The following SLU7 variants were observed in gnomAD, a reference collection of about 807,000 sequenced individuals.
SLU7 encodes spliceosome associated SLU7, also known as pre-mRNA-splicing factor SLU7.
In SLU7, 60 loss-of-function variants were observed where a neutral mutation model predicts 87.0. That is an observed-to-expected ratio of 0.69 (90% CI 0.56 to 0.86). The LOEUF (loss-of-function observed/expected upper bound fraction) is 0.86, where lower values mean the gene tolerates loss of function less well. Ranked by LOEUF, SLU7 falls within the 40% of genes least tolerant of loss-of-function variation. SLU7 has a pLI of 0.00. For missense variants in SLU7, 507 were observed against 686.6 expected (o/e 0.74, Z 2.92); for synonymous variants, 197 against 222.0 (o/e 0.89, Z 1.00).
chr5:160,404,642 C>T, intron 14 of SLU7, 86 bp from the exon 15 acceptor site: 2 of 1,012,070 alleles, frequency 2.0e-6, no homozygotes, highest in Non-Finnish European at 3.0e-6. Context: ...ACAAGAATCA[C>T]TTGAACCCAG....
intron 6 of SLU7, among the ~76,000 whole-genome samples, chr5:160,409,036 G>A (rs1389867080): frequency 2.0e-5 from 3 of 151,558 alleles, no homozygotes; most frequent in Non-Finnish European, 4.4e-5. Flanking sequence ...AATTTCAAGA[G>A]AATTTTAATT....
At chr5:160,409,023 G>A (rs1311423974) in intron 6 of SLU7, among the ~76,000 whole-genome samples, 2 of 151,572 alleles carry the variant, frequency 1.3e-5, no homozygotes, top group Non-Finnish European at 2.9e-5. Flanking sequence ...TATAAAGCCA[G>A]CAAATTTCAA....
At chr5:160,406,177 A>G (rs892281948) in intron 12 of SLU7, among the ~76,000 whole-genome samples, 1 of 152,246 alleles carries the variant, frequency 6.6e-6, no homozygotes, top group Non-Finnish European at 1.5e-5. Context: ...GTGTGTATAT[A>G]TGTGTATTTT....
rs1341029566 is a variant in SLU7, at chr5:160,407,974, TC to T, written c.913del (p.Asp305MetfsTer3). On this transcript the variant is annotated frameshift_variant, in exon 9 of 16. Transcript: ENST00000297151. LOFTEE classifies it high-confidence loss of function. The surrounding 1 kb of genome is among the most constrained non-coding windows in gnomAD (Gnocchi z 4.2). ...NPYANAGKNP[D>X]EVSYAGDNFV... The stretch of plus-strand genomic sequence containing the variant: ...GTACATTTAACTTGATACTTACTCA[TC>T]TGGATTCTTTCCTGCATTGGCATAA... The T allele has an allele frequency of 1.2e-6, 2 of 1,605,782 alleles. No individual in the cohort carries two copies. The highest frequency in any genetic ancestry group is 8.5e-7 in the Non-Finnish European group (1 of 1,172,672).
At position 160,403,588 on chromosome 5, in the gene SLU7, A is replaced by G. The variant is rs999719420; in HGVS notation, c.1582-124T>C. 8 of 753,436 alleles carry G rather than the reference A, an allele frequency of 1.1e-5. No individual in the cohort carries two copies. In the African/African-American group the frequency reaches 1.4e-4, roughly 14 times the overall value. 46.7% of individuals were successfully genotyped at this position (753,436 alleles called of 1,614,324 possible). ...CTCTATCAAAAACGCAGATTGCCTG[A>G]AAGAGCTTTGGAGTCAGCCCTTCTA... On this transcript the variant is annotated intron_variant, in intron 15 of 15. Coordinates refer to ENST00000297151, the MANE Select transcript of SLU7 (RefSeq NM_006425.5).
In SLU7 at chr5:160,406,463, C is replaced by A. The variant is rs1364656181; in HGVS notation, c.1287+5G>T. 2 of 1,601,516 alleles carry A rather than the reference C, an allele frequency of 1.2e-6. No homozygotes were observed. The highest frequency in any genetic ancestry group is 1.7e-6 in the Non-Finnish European group (2 of 1,175,496). The stretch of plus-strand genomic sequence containing the variant: ...GACACAAAATTGTTCCAGTTTAGCA[C>A]ATACTGTGTGATTGTGGATCTTCAC... On this transcript the variant is annotated splice_donor_5th_base_variant and intron_variant, in intron 12 of 15. Transcript: ENST00000297151.
chr5:160,416,323 C>T (rs1581076482), intron 1 of SLU7, among the ~76,000 whole-genome samples: 2 of 152,176 alleles, frequency 1.3e-5, no homozygotes, highest in East Asian at 1.9e-4. Flanking sequence ...TCATTTACTT[C>T]CAAGGCTTCA....
chr5:160,412,435 C>T lies in SLU7; in HGVS notation c.639+16G>A. 7.2e-7 allele frequency: 1 copy of T among 1,397,060 alleles called. No homozygotes were observed. The highest frequency in any genetic ancestry group is 1.0e-6 in the Non-Finnish European group (1 of 1,004,934). 86.5% of individuals were successfully genotyped at this position (1,397,060 alleles called of 1,614,324 possible). On this transcript the variant is annotated intron_variant, in intron 6 of 15. Coordinates refer to ENST00000297151, the MANE Select transcript of SLU7 (RefSeq NM_006425.5). ...AAAGAAATAAAACCTTTTTATTGAT[C>T]ATTTTCATTACTTACAGCCTGTTCC...
chr5:160,406,621 G>A lies in SLU7; in HGVS notation c.1134C>T (p.Gly378=), dbSNP rs1374273886. 4 of 1,603,844 alleles carry A rather than the reference G, an allele frequency of 2.5e-6. No homozygotes were observed. The highest frequency in any genetic ancestry group is 3.4e-6 in the Non-Finnish European group (4 of 1,176,018). ...QKESILEKYG[G]QEHLDAPPAE... ...CTGGAGGGGCATCCAAATGTTCTTGGCCACCATACTAAAAGGACATTGGAC... is the reference window on the plus strand; with the variant it reads ...CTGGAGGGGCATCCAAATGTTCTTGACCACCATACTAAAAGGACATTGGAC... Residue 378 remains glycine, a synonymous_variant, in exon 12 of 16, where the codon GGC becomes GGT. Transcript: ENST00000297151.
chr5:160,413,468 G>C lies in SLU7; in HGVS notation c.558C>G (p.Ala186=). Residue 186 remains alanine (A), a synonymous_variant, in exon 5 of 16, where the codon GCC becomes GCG. Transcript: ENST00000297151. ...GAATTTTGCTCACCAAATCAACTTT[G>C]GCATACTCTTCAACAATTTTCATGT... ...EEHMKIVEEY[A]KVDLAKRTLK... is the part of the protein sequence containing the mutation. 1 of 1,613,152 alleles carries C rather than the reference G, an allele frequency of 6.2e-7. No homozygotes were observed. Among genetic ancestry groups the C allele is most frequent in the Non-Finnish European group, 8.5e-7 (1 of 1,179,686 alleles).
chr5:160,414,296 A>G (rs201835125), intron 3 of SLU7, 23 bp downstream of exon 3: 168 of 1,556,904 alleles, frequency 1.1e-4, no homozygotes, highest in Non-Finnish European at 1.4e-4. Context: ...ATCCATGAAG[A>G]TGTATACAGG....
chr5:160,403,179 A>G lies in SLU7; in HGVS notation c.*106T>C. The G allele has an allele frequency of 1.2e-6, 1 of 817,354 alleles. No homozygotes were observed. The highest frequency in any genetic ancestry group is 2.6e-4 in the Middle Eastern group (1 of 3,850). The allele number at this position is 817,354 out of a possible 1,614,324, so 50.6% of individuals were successfully genotyped here. A position where few individuals can be genotyped will look rare whatever the true frequency, so the allele number is the denominator to read the frequency against. ...GGCATCTGAAATATTTATTAAAGCC[A>G]GGCAGCAAGAAGAATAAACAAGGAT... On this transcript the variant is annotated 3_prime_UTR_variant, in exon 16 of 16. Transcript: ENST00000297151.
At chr5:160,409,442 G>A (rs1313571838) in intron 6 of SLU7, among the ~76,000 whole-genome samples, 1 of 152,158 alleles carries the variant, frequency 6.6e-6, no homozygotes, top group Non-Finnish European at 1.5e-5. Flanking sequence ...TATAGCATTA[G>A]TGAGGAGATG....
At chr5:160,418,002 G>A (rs1765527750) in intron 1 of SLU7, among the ~76,000 whole-genome samples, 1 of 152,074 alleles carries the variant, frequency 6.6e-6, no homozygotes, top group African/African-American at 2.4e-5. Flanking sequence ...CGTGCTCCCT[G>A]TAGACACTGG....
chr5:160,417,002 C>T (rs536679942), intron 1 of SLU7: 8 of 152,256 alleles, frequency 5.3e-5, no homozygotes, highest in African/African-American at 1.9e-4. Context: ...AAGGGAAACC[C>T]GTTTTGCTTG....
At chr5:160,403,507 G>C in intron 15 of SLU7, 43 bp from the exon 16 acceptor site, 1 of 1,495,028 alleles carries the variant, frequency 6.7e-7, no homozygotes, top group Non-Finnish European at 9.0e-7. Context: ...CTCTACATCA[G>C]ATGTCTTTTC....
intron 6 of SLU7, among the ~76,000 whole-genome samples, chr5:160,408,960 C>G (rs920216878): frequency 8.0e-5 from 12 of 150,228 alleles, no homozygotes; most frequent in Admixed American, 2.0e-4. Flanking sequence ...TTATAATGAG[C>G]GCAAAAATTC....
chr5:160,403,682 C>T (rs974312890), intron 15 of SLU7, among the ~76,000 whole-genome samples: 2 of 152,200 alleles, frequency 1.3e-5, no homozygotes, highest in African/African-American at 4.8e-5. Flanking sequence ...CATTCTATAA[C>T]ATTTTAAATC....
chr5:160,411,348 A>G (rs1263823544), intron 6 of SLU7, among the ~76,000 whole-genome samples: 1 of 152,114 alleles, frequency 6.6e-6, no homozygotes, highest in Non-Finnish European at 1.5e-5. Flanking sequence ...TCTCCCGAGT[A>G]GCTGGGACTA....
Sources: gnomAD v4.1 joint callset for allele counts (sites outside exome capture counted in the v4.1 genomes callset) on GRCh38, gnomAD v4.1.1 for gene constraint, Gnocchi (gnomAD v3.1) non-coding constraint, MANE v1.5 for transcripts, NCBI Gene and HGNC (gene_info 2026-07-23, HGNC 2026-07-21) for gene names.